Variants in UNC5D observed in about 807,000 individuals in gnomAD.
The protein encoded by UNC5D is netrin receptor UNC5D.
A neutral mutation model predicts 105.4 loss-of-function variants in UNC5D; 39 were observed. The ratio of observed to expected loss-of-function variants is 0.37; its 90% CI spans 0.29 to 0.48. UNC5D has a LOEUF of 0.48. UNC5D is among the 20% of genes least tolerant of loss of function. The pLI, the probability that UNC5D is intolerant of heterozygous loss-of-function variation, is 0.98. For missense variants in UNC5D, 991 were observed against 1,202.4 expected (o/e 0.82, Z 2.60); for synonymous variants, 452 against 450.4 (o/e 1.00, Z -0.04).
intron 4 of UNC5D, among the ~76,000 whole-genome samples, chr8:35,600,531 G>T (rs1486749993): frequency 1.3e-5 from 2 of 152,174 alleles, no homozygotes; most frequent in African/African-American, 2.4e-5. Flanking sequence ...GTTTTGATTT[G>T]CATTTCTCTG....
At chr8:35,783,424 G>A (rs1802599574) in intron 16 of UNC5D, among the ~76,000 whole-genome samples, 1 of 152,116 alleles carries the variant, frequency 6.6e-6, no homozygotes. Flanking sequence ...TTGCAAATAG[G>A]TAGACTGTCC....
chr8:35,473,138 C>T (rs891955957), intron 1 of UNC5D, among the ~76,000 whole-genome samples: 1 of 152,082 alleles, frequency 6.6e-6, no homozygotes, highest in African/African-American at 2.4e-5. Flanking sequence ...ACCTCAATTA[C>T]AAGGGAAGAT....
intron 1 of UNC5D, among the ~76,000 whole-genome samples, chr8:35,304,092 G>C (rs1808162242): frequency 6.6e-6 from 1 of 152,068 alleles, no homozygotes; most frequent in Admixed American, 6.6e-5. Flanking sequence ...CCCTTGATTG[G>C]CAGGAAAAAT....
At chr8:35,544,804 T>C (rs775290151) in intron 1 of UNC5D, among the ~76,000 whole-genome samples, 9 of 151,994 alleles carry the variant, frequency 5.9e-5, no homozygotes, top group Admixed American at 2.0e-4. Flanking sequence ...GGTTTCACCA[T>C]GTTGGCCAGG....
At chr8:35,335,483 T>C (rs890985930) in intron 1 of UNC5D, among the ~76,000 whole-genome samples, 1 of 152,232 alleles carries the variant, frequency 6.6e-6, no homozygotes, top group African/African-American at 2.4e-5. Context: ...GTCTAGCTTA[T>C]AGTTAGGTTT....
chr8:35,311,955 C>CG (rs955646292), intron 1 of UNC5D, among the ~76,000 whole-genome samples: 3 of 151,938 alleles, frequency 2.0e-5, no homozygotes, highest in African/African-American at 7.2e-5. Flanking sequence ...CCTAGAATAA[C>CG]GGGAAAAAAA....
rs1819438341 is a variant in UNC5D at position 35,595,559 on chromosome 8, C to T, written c.472C>T (p.Arg158Trp). 4.3e-6 allele frequency: 7 copies of T among 1,613,712 alleles called. No homozygotes were observed. The highest frequency in any genetic ancestry group is 2.2e-5 in the East Asian group (1 of 44,872). The part of the protein sequence containing the change: ...RKASVRIAYL[R>W]KNFEQDPQGR... Reference sequence around the variant, plus strand: ...TATCTCATGCTTCTTTGCAGATTTACGGAAAAACTTTGAACAAGACCCACA... The same window carrying T: ...TATCTCATGCTTCTTTGCAGATTTATGGAAAAACTTTGAACAAGACCCACA... Residue 158 changes from arginine (R) to tryptophan (W), a missense_variant, in exon 4 of 17, where the codon CGG becomes TGG. This residue lies in a region of UNC5D where 944 missense variants were observed against 1,131.6 expected (regional missense o/e 0.83). Transcript: ENST00000404895.
chr8:35,300,035 C>G (rs924749940), intron 1 of UNC5D, among the ~76,000 whole-genome samples: 4 of 151,978 alleles, frequency 2.6e-5, no homozygotes, highest in African/African-American at 9.7e-5. Context: ...AAATCAGAAA[C>G]CAGTGAAATA....
intron 4 of UNC5D, among the ~76,000 whole-genome samples, chr8:35,608,799 A>G (rs1189516544): frequency 2.8e-5 from 3 of 108,398 alleles, no homozygotes; most frequent in African/African-American, 2.4e-4. Context: ...GTATGTATAC[A>G]TTTTCTTTAA....
intron 4 of UNC5D, among the ~76,000 whole-genome samples, chr8:35,600,779 G>C (rs1262996430): frequency 1.3e-5 from 2 of 152,068 alleles, no homozygotes; most frequent in Non-Finnish European, 2.9e-5. Context: ...GGTTTCTTTT[G>C]CTGTGCAGAA....
intron 2 of UNC5D, among the ~76,000 whole-genome samples, chr8:35,559,696 G>A (rs1816820422): frequency 6.6e-6 from 1 of 152,164 alleles, no homozygotes; most frequent in Admixed American, 6.5e-5. Context: ...TTTATTTAAA[G>A]TTGACCAGAA....
At chr8:35,510,228 C>T (rs1305720553) in intron 1 of UNC5D, among the ~76,000 whole-genome samples, 1 of 149,878 alleles carries the variant, frequency 6.7e-6, no homozygotes. Flanking sequence ...CTGTTGAAGC[C>T]TTGGTCTTGG....
At chr8:35,286,671 G>A (rs1052430009) in intron 1 of UNC5D, among the ~76,000 whole-genome samples, 13 of 152,118 alleles carry the variant, frequency 8.5e-5, no homozygotes, top group African/African-American at 3.1e-4. Flanking sequence ...AAACCAGGAG[G>A]CAGTTGCAGG....
intron 4 of UNC5D, among the ~76,000 whole-genome samples, chr8:35,647,349 T>G (rs1469921698): frequency 2.0e-5 from 3 of 151,816 alleles, no homozygotes; most frequent in Admixed American, 2.0e-4. Flanking sequence ...TCAAGATGCT[T>G]TGTTATTTTA....
At chr8:35,527,870 G>A in intron 1 of UNC5D, among the ~76,000 whole-genome samples, 1 of 151,934 alleles carries the variant, frequency 6.6e-6, no homozygotes, top group East Asian at 1.9e-4. Context: ...CTGTTCATAT[G>A]GTCACTACTC....
At chr8:35,393,356 A>G (rs1399534030) in intron 1 of UNC5D, among the ~76,000 whole-genome samples, 4 of 151,430 alleles carry the variant, frequency 2.6e-5, no homozygotes, top group African/African-American at 2.4e-5. Context: ...GATGGTCTCG[A>G]TCTCCTGACC....
At chr8:35,309,813 G>A (rs1049468453) in intron 1 of UNC5D, among the ~76,000 whole-genome samples, 2 of 152,134 alleles carry the variant, frequency 1.3e-5, no homozygotes, top group Non-Finnish European at 2.9e-5. Flanking sequence ...CTATTCACTA[G>A]TTCTGGGATA....
At position 35,341,585 on chromosome 8, in the gene UNC5D, C is replaced by T. The variant is rs79753253; in HGVS notation, c.103+105698C>T. Among the ~76,000 whole-genome samples the T allele has an allele frequency of 8.7e-3, 1,320 of 151,870 alleles. 8 individuals carry two copies. Among genetic ancestry groups the T allele is most frequent in the Non-Finnish European group, 0.013 (915 of 67,960 alleles). On this transcript the variant is annotated intron_variant, in intron 1 of 16. Transcript: ENST00000404895. ...CATTTTAAAATACTTTTTAGTCTGT[C>T]GTCTTGATATAACCTTTATGCAAGT...
At chr8:35,723,937 C>T (rs1828721688) in intron 9 of UNC5D, among the ~76,000 whole-genome samples, 1 of 151,920 alleles carries the variant, frequency 6.6e-6, no homozygotes, top group African/African-American at 2.4e-5. Flanking sequence ...GGGTTAGTAA[C>T]ATTCAACTCA....
Sources: gnomAD v4.1 joint callset for allele counts (sites outside exome capture counted in the v4.1 genomes callset) on GRCh38, gnomAD v4.1.1 for gene constraint, gnomAD v4.1.1 regional missense constraint, MANE v1.5 for transcripts, NCBI Gene and HGNC (gene_info 2026-07-23, HGNC 2026-07-21) for gene names.